Variants in WDR90 observed in about 807,000 individuals in gnomAD.
The protein encoded by WDR90 is WD repeat-containing protein 90.
In WDR90, 238 loss-of-function variants were observed where a neutral mutation model predicts 195.2. That is an observed-to-expected ratio of 1.22 (90% confidence interval 1.10 to 1.36). The LOEUF (loss-of-function observed/expected upper bound fraction) is 1.36, where lower values mean the gene tolerates loss of function less well. WDR90 is among the 40% of genes most tolerant of loss of function. The pLI, the probability that WDR90 is intolerant of heterozygous loss-of-function variation, is 0.00. For missense variants in WDR90, 2,734 were observed against 2,439.5 expected (o/e 1.12, Z -2.54); for synonymous variants, 1,265 against 1,052.4 (o/e 1.20, Z -3.91).
intron 10 of WDR90, among the ~76,000 whole-genome samples, 186 bp downstream of exon 10, chr16:652,721 C>T (rs2151179903): frequency 6.6e-6 from 1 of 152,346 alleles, no homozygotes; most frequent in Non-Finnish European, 1.5e-5. Flanking sequence ...ATCTGCCCCG[C>T]CCACAGCTGC....
chr16:663,144 G>T (rs766573213), intron 34 of WDR90: 3 of 503,332 alleles, frequency 6.0e-6, no homozygotes, highest in Non-Finnish European at 1.1e-5. Context: ...AATTGTCAAA[G>T]AAATCACATC....
intron 33 of WDR90, 21 bp downstream of exon 33, chr16:662,352 T>C: frequency 6.5e-7 from 1 of 1,547,336 alleles, no homozygotes; most frequent in Middle Eastern, 2.1e-4. Context: ...CACCCCTACG[T>C]GTTTTGGCTG....
Position 666,927 on chromosome 16 carries a change from C to G in WDR90, c.5027C>G (p.Pro1676Arg), listed in dbSNP as rs1463229250. 1 of 1,613,132 alleles carries G rather than the reference C, an allele frequency of 6.2e-7. No individual in the cohort carries two copies. Among genetic ancestry groups the G allele is most frequent in the South Asian group, 1.1e-5 (1 of 91,050 alleles). ...CAGGTGGTGGAGAAGATACCACTGC[C>G]CTTTTTTGCCATGTCCCTGAGCCTG... ...QKQVVEKIPL[P>R]FFAMSLSLSP... Residue 1676 changes from proline (P) to arginine (R), a missense_variant, in exon 40 of 41, where the codon CCC becomes CGC. Physicochemically the swap from Pro to Arg is moderately radical, Grantham distance 103. Transcript: ENST00000293879.
Position 665,931 on chromosome 16 carries a change from C to A in WDR90, c.4435-19C>A, listed in dbSNP as rs1389291846. Reference sequence around the variant, plus strand: ...AGGGCCCCTGTGAGTGCTGAAGTTTCCCCACTGTGGGTCCCCAGAGCTGCC... The same window carrying A: ...AGGGCCCCTGTGAGTGCTGAAGTTTACCCACTGTGGGTCCCCAGAGCTGCC... On this transcript the variant is annotated intron_variant, in intron 35 of 40. Coordinates refer to ENST00000293879, the MANE Select transcript of WDR90 (RefSeq NM_145294.5). The A allele has an allele frequency of 6.4e-7, 1 of 1,572,466 alleles. No individual in the cohort carries two copies. Among genetic ancestry groups the A allele is most frequent in the Non-Finnish European group, 8.6e-7 (1 of 1,159,482 alleles).
chr16:652,787 G>T (rs183455052), intron 10 of WDR90, among the ~76,000 whole-genome samples: 23 of 152,272 alleles, frequency 1.5e-4, no homozygotes, highest in Admixed American at 4.6e-4. Flanking sequence ...TTACTCACTG[G>T]CTGGGCTAAG....
chr16:666,231 C>T lies in WDR90; in HGVS notation c.4621C>T (p.Leu1541Phe). 1.2e-6 allele frequency: 2 copies of T among 1,612,508 alleles called. No individual in the cohort carries two copies. Among genetic ancestry groups the T allele is most frequent in the Non-Finnish European group, 1.7e-6 (2 of 1,179,814 alleles). Residue 1541 changes from leucine to phenylalanine, a missense_variant, in exon 37 of 41, where the codon CTC (leucine) becomes TTC (phenylalanine). Transcript: ENST00000293879. ...CGGCATGGTCCCAGGTCAGACTGTC[C>T]TCTCTGGAGACAAGGATGGGCTCGT... Reference protein sequence around the residue: ...VAFSTDGQTVLSGDKDGLVAV... With the variant: ...VAFSTDGQTVFSGDKDGLVAV...
At chr16:665,572 T>A in intron 34 of WDR90, 107 bp from the exon 35 acceptor site, 11 of 1,568,936 alleles carry the variant, frequency 7.0e-6, no homozygotes, top group Non-Finnish European at 9.6e-6. Context: ...CAGAGGCACA[T>A]GCTCTGGTTT....
At position 650,067 on chromosome 16, in the gene WDR90, G is replaced by A. The variant is rs373243465; in HGVS notation, c.179G>A (p.Ser60Asn). Reference protein sequence around the residue: ...SAANYIQLPKSSTQSLGLTGR... With the variant: ...SAANYIQLPKNSTQSLGLTGR... The stretch of plus-strand genomic sequence containing the variant: ...GCCAACTACATCCAGCTCCCTAAGA[G>A]CAGCACCCAGTCTCTGGGGCTGACG... The change falls in exon 3 of 41, where the codon AGC becomes AAC. Residue 60 changes from serine to asparagine, a missense_variant. Physicochemically the swap from Ser to Asn is conservative, Grantham distance 46 (BLOSUM62 1). Transcript: ENST00000293879. The A allele has an allele frequency of 1.2e-5, 19 of 1,612,840 alleles. No homozygotes were observed. Among genetic ancestry groups the A allele is most frequent in the Non-Finnish European group, 1.4e-5 (16 of 1,179,994 alleles).
chr16:660,971 CTGTTCGGCCCCTCCCCAGGCCCCT>C, intron 28 of WDR90, 56 bp from the exon 29 acceptor site: 1 of 426,478 alleles, frequency 2.3e-6, no homozygotes. Context: ...GCCCCGCCCC[CTGTTCGGCCCCTCCCCAGGCCCCT>C]CCCCGCCCCC....
At chr16:652,067 G>A in intron 9 of WDR90, 28 bp downstream of exon 9, 1 of 1,559,666 alleles carries the variant, frequency 6.4e-7, no homozygotes, top group Non-Finnish European at 8.7e-7. Flanking sequence ...AGCAGGCGGG[G>A]CCTGGTGAGG....
chr16:651,602 C>T (rs372492706), intron 7 of WDR90, 42 bp from the exon 8 acceptor site: 485 of 1,594,000 alleles, frequency 3.0e-4, no homozygotes, highest in Non-Finnish European at 3.9e-4. Flanking sequence ...GGCATCTGCA[C>T]AGCTGGCCCC....
rs1567218890 is a variant in WDR90 at position 658,593 on chromosome 16, T to G, written c.2835T>G (p.Ile945Met). The G allele has an allele frequency of 1.1e-5, 17 of 1,612,574 alleles. No individual in the cohort carries two copies. Among genetic ancestry groups the G allele is most frequent in the South Asian group, 6.6e-5 (6 of 91,090 alleles). The change falls in exon 23 of 41, where the codon ATT becomes ATG. Residue 945 changes from isoleucine (I) to methionine (M), a missense_variant. Physicochemically the swap from Ile to Met is conservative, Grantham distance 10. Coordinates refer to ENST00000293879, the MANE Select transcript of WDR90 (RefSeq NM_145294.5). ...GTGAGGACGCCCGCTTCCTGCTGAT[T>G]GCCGCCGGCCGGACCATCAAGGTGT... ...TLSEDARFLL[I>M]AAGRTIKVWD...
chr16:651,131 G>T, intron 6 of WDR90, 28 bp downstream of exon 6: 4 of 1,613,100 alleles, frequency 2.5e-6, no homozygotes, highest in Non-Finnish European at 3.4e-6. Context: ...TTTCGAGGGA[G>T]GCCTCGGTGG....
Position 667,598 on chromosome 16 carries a change from A to G in WDR90, c.*9A>G. ...AGGTCCCCGGCCTCTGAGATGCAGC[A>G]GGGACTGTGGTGGTGGGCATCACGC... On this transcript the variant is annotated 3_prime_UTR_variant, in exon 41 of 41. Transcript: ENST00000293879. 6.2e-7 allele frequency: 1 copy of G among 1,605,352 alleles called. No homozygotes were observed. Among genetic ancestry groups the G allele is most frequent in the Non-Finnish European group, 8.5e-7 (1 of 1,179,898 alleles).
chr16:663,164 G>A (rs1015871614), intron 34 of WDR90: 20 of 428,538 alleles, frequency 4.7e-5, no homozygotes, highest in Middle Eastern at 3.4e-4. Flanking sequence ...CAGTCCGGGC[G>A]TGGTGGTTCA....
chr16:665,005 A>G (rs1437609478), intron 34 of WDR90: 2 of 154,008 alleles, frequency 1.3e-5, no homozygotes, highest in Admixed American at 6.5e-5. Context: ...AATGAAGTGC[A>G]TCGTGTTCCC....
Position 655,246 on chromosome 16 carries a change from C to T in WDR90, c.1557-61C>T, listed in dbSNP as rs746920384. ...CCCCTGGCTTGGCTGTGCGTCTCTG[C>T]GTCTCCCGGTGGGTCAGGGCGCTGC... is the stretch of plus-strand genomic sequence containing the variant. On this transcript the variant is annotated intron_variant, in intron 14 of 40. Coordinates refer to ENST00000293879, the MANE Select transcript of WDR90 (RefSeq NM_145294.5). The T allele has an allele frequency of 1.8e-5, 29 of 1,611,602 alleles. No homozygotes were observed. In the East Asian group the frequency reaches 3.1e-4, roughly 17 times the overall value.
rs948070044 is a variant in WDR90, at chr16:653,448, C to A, written c.1230C>A (p.Asp410Glu). The change falls in exon 11 of 41, where the codon GAC (aspartate) becomes GAA (glutamate). Residue 410 changes from aspartate (D) to glutamate (E), a missense_variant. Asp to Glu is a conservative substitution (Grantham distance 45). Coordinates refer to ENST00000293879, the MANE Select transcript of WDR90 (RefSeq NM_145294.5). ...AGCGCTTCTTCCTTGGCCACACAGA[C>A]AAGGTGGGTGCTGCCCGGGCCTGGG... ...GEQRFFLGHT[D>E]KVSALALDGS... is the part of the protein sequence containing the mutation. 5 of 1,612,376 alleles carry A rather than the reference C, an allele frequency of 3.1e-6. No individual in the cohort carries two copies. The highest frequency in any genetic ancestry group is 2.5e-6 in the Non-Finnish European group (3 of 1,179,572).
At chr16:660,310 C>T (rs1484843802) in intron 27 of WDR90, 149 bp downstream of exon 27, 1 of 735,634 alleles carries the variant, frequency 1.4e-6, no homozygotes, top group Non-Finnish European at 2.2e-6. Context: ...GCAACTTCAT[C>T]CCACACCCCC....
Sources: allele counts gnomAD v4.1 joint callset (sites outside exome capture counted in the v4.1 genomes callset), GRCh38; gene constraint gnomAD v4.1.1; transcripts MANE v1.5; gene names NCBI Gene and HGNC (gene_info 2026-07-23, HGNC 2026-07-21).